The following SMG6 variants were observed in gnomAD, a reference collection of about 807,000 sequenced individuals.
SMG6 encodes the protein SMG6 nonsense mediated mRNA decay factor, also known as telomerase-binding protein EST1A.
In SMG6, 66 loss-of-function variants were observed where a neutral mutation model predicts 142.2. The ratio of observed to expected loss-of-function variants is 0.46; its 90% CI spans 0.38 to 0.57. The LOEUF (loss-of-function observed/expected upper bound fraction) is 0.57, where lower values mean the gene tolerates loss of function less well. SMG6 is among the 20% of genes least tolerant of loss of function. The probability of loss-of-function intolerance (pLI) is 0.00; values close to 1 mark genes in which losing one functional copy is unlikely to be tolerated. For synonymous variants in SMG6, 779 were observed against 702.4 expected, an observed-to-expected ratio of 1.11 and a Z score of -1.72; for missense variants, 1,793 against 1,832.0, an observed-to-expected ratio of 0.98 and a Z score of 0.39.
chr17:2,065,559 T>C lies in SMG6; in HGVS notation c.3956A>G (p.Glu1319Gly). 6.2e-7 allele frequency: 1 copy of C among 1,614,108 alleles called. No homozygotes were observed. The highest frequency in any genetic ancestry group is 1.7e-4 in the Middle Eastern group (1 of 6,026). The change falls in exon 17 of 19, where the codon GAG (glutamate) becomes GGG (glycine). Residue 1319 changes from glutamate to glycine, a missense_variant. Coordinates refer to ENST00000263073, the MANE Select transcript of SMG6 (RefSeq NM_017575.5). Reference protein sequence around the residue: ...KSIEFLEQRFESRDSCLRALT... With the variant: ...KSIEFLEQRFGSRDSCLRALT... Reference sequence around the variant, plus strand: ...GGCTCGCAGGCAAGAGTCCCGACTCTCGAATCGCTGCTCGAGGAACTCGAT... The same window carrying C: ...GGCTCGCAGGCAAGAGTCCCGACTCCCGAATCGCTGCTCGAGGAACTCGAT...
At chr17:2,077,309 A>G (rs2151419760) in intron 15 of SMG6, among the ~76,000 whole-genome samples, 1 of 152,372 alleles carries the variant, frequency 6.6e-6, no homozygotes, top group South Asian at 2.1e-4. Flanking sequence ...ACATGATGGC[A>G]GGTCCACAAA....
chr17:2,191,104 G>A (rs1244352345), intron 10 of SMG6, among the ~76,000 whole-genome samples: 1 of 152,172 alleles, frequency 6.6e-6, no homozygotes, highest in Non-Finnish European at 1.5e-5. Context: ...ATAAAACATG[G>A]TCTCTGCAAC....
At chr17:2,120,098 G>C (rs892779947) in intron 13 of SMG6, among the ~76,000 whole-genome samples, 1 of 152,184 alleles carries the variant, frequency 6.6e-6, no homozygotes, top group Non-Finnish European at 1.5e-5. Context: ...GTGAGCCACC[G>C]CGCCCGGCCT....
At chr17:2,170,990 T>C (rs2071485511) in intron 13 of SMG6, among the ~76,000 whole-genome samples, 1 of 152,162 alleles carries the variant, frequency 6.6e-6, no homozygotes, top group Non-Finnish European at 1.5e-5. Context: ...AAACAGTATA[T>C]ACAGCTGGGC....
At chr17:2,127,775 T>C in intron 13 of SMG6, 5 of 555,464 alleles carry the variant, frequency 9.0e-6, no homozygotes, top group South Asian at 5.5e-5. Context: ...CGTTCTGCTC[T>C]GAGGGCTGAA....
At chr17:2,251,806 T>C (rs897154725) in intron 8 of SMG6, among the ~76,000 whole-genome samples, 3 of 152,038 alleles carry the variant, frequency 2.0e-5, no homozygotes, top group South Asian at 4.1e-4. Context: ...GCACCAGGTA[T>C]AAAGAAAAGA....
intron 13 of SMG6, among the ~76,000 whole-genome samples, chr17:2,097,116 T>C (rs777662713): frequency 7.2e-5 from 11 of 152,114 alleles, no homozygotes; most frequent in Non-Finnish European, 1.2e-4. Flanking sequence ...TTAAAATCAA[T>C]CATTACTTAA....
At chr17:2,272,248 C>T (rs1029476696) in intron 8 of SMG6, among the ~76,000 whole-genome samples, 1 of 152,104 alleles carries the variant, frequency 6.6e-6, no homozygotes, top group Non-Finnish European at 1.5e-5. Flanking sequence ...TTTGCTCATG[C>T]TATTACTTCT....
chr17:2,236,978 G>A, intron 9 of SMG6: 2 of 372,100 alleles, frequency 5.4e-6, no homozygotes, highest in Non-Finnish European at 7.6e-6. Flanking sequence ...GAAACCATCG[G>A]CTTTTCTAAA....
intron 13 of SMG6, among the ~76,000 whole-genome samples, chr17:2,154,390 C>A (rs1209171744): frequency 2.0e-5 from 3 of 152,034 alleles, no homozygotes; most frequent in Admixed American, 6.6e-5. Context: ...TGAGGGAGGG[C>A]CCACTTTCAC....
At chr17:2,222,991 CA>C (rs1414206288) in intron 10 of SMG6, among the ~76,000 whole-genome samples, 1 of 152,184 alleles carries the variant, frequency 6.6e-6, no homozygotes, top group Non-Finnish European at 1.5e-5. Context: ...TTATGTGGAA[CA>C]GACAGTGATA....
chr17:2,115,159 A>C (rs998777545), intron 13 of SMG6, among the ~76,000 whole-genome samples: 1 of 151,950 alleles, frequency 6.6e-6, no homozygotes, highest in Non-Finnish European at 1.5e-5. Context: ...AAGGCAAAAA[A>C]CCCAGAATAA....
intron 15 of SMG6, among the ~76,000 whole-genome samples, chr17:2,074,634 T>C (rs919230806): frequency 3.9e-5 from 6 of 152,238 alleles, no homozygotes; most frequent in African/African-American, 1.4e-4. Flanking sequence ...ATTTTCAAAC[T>C]AGACTGTCAA....
chr17:2,083,236 C>T (rs1046894633), intron 14 of SMG6, among the ~76,000 whole-genome samples: 2 of 152,216 alleles, frequency 1.3e-5, no homozygotes, highest in African/African-American at 2.4e-5. Flanking sequence ...AGACTGCTCT[C>T]TTCTCTAACT....
chr17:2,269,189 C>T (rs1330507636), intron 8 of SMG6, among the ~76,000 whole-genome samples: 1 of 144,204 alleles, frequency 6.9e-6, no homozygotes, highest in Non-Finnish European at 1.5e-5. Context: ...CACTGCACTC[C>T]AGCCTGGGCG....
At chr17:2,104,638 C>T (rs901001362) in intron 13 of SMG6, among the ~76,000 whole-genome samples, 1 of 134,612 alleles carries the variant, frequency 7.4e-6, no homozygotes. Context: ...TTCTTGGTGG[C>T]CTAAATATCC....
At chr17:2,249,096 T>G (rs1055725808) in intron 8 of SMG6, among the ~76,000 whole-genome samples, 1 of 151,984 alleles carries the variant, frequency 6.6e-6, no homozygotes, top group Non-Finnish European at 1.5e-5. Flanking sequence ...GGTTTCACCG[T>G]GTTAGCCAGG....
At position 2,292,859 on chromosome 17, in the gene SMG6, A is replaced by G; in HGVS notation, c.2258+12T>C. 1 of 1,606,674 alleles carries G rather than the reference A, an allele frequency of 6.2e-7. No homozygotes were observed. The highest frequency in any genetic ancestry group is 8.5e-7 in the Non-Finnish European group (1 of 1,173,186). ...ATAGGGAAGAGAAATAACGAAGCAG[A>G]GGTAAAAGTACCTGCGTGCTTTCCC... On this transcript the variant is annotated intron_variant, in intron 5 of 18. Coordinates refer to ENST00000263073, the MANE Select transcript of SMG6 (RefSeq NM_017575.5).
At chr17:2,242,240 C>T (rs973157971) in intron 9 of SMG6, among the ~76,000 whole-genome samples, 3 of 151,584 alleles carry the variant, frequency 2.0e-5, no homozygotes, top group East Asian at 1.9e-4. Context: ...AGGCCGGGCG[C>T]GGTGGCTCAC....
Sources: gnomAD v4.1 joint callset for allele counts (sites outside exome capture counted in the v4.1 genomes callset) on GRCh38, gnomAD v4.1.1 for gene constraint, MANE v1.5 for transcripts, NCBI Gene and HGNC (gene_info 2026-07-23, HGNC 2026-07-21) for gene names.